CDH23: variants seen among roughly 807,000 people sequenced by gnomAD.
CDH23 encodes cadherin-23.
CDH23 carries 189 observed loss-of-function variants against 317.1 expected under a neutral mutation model. The observed-to-expected ratio is 0.60, with a 90% CI of 0.53 to 0.67. The LOEUF (loss-of-function observed/expected upper bound fraction) is 0.67. Ranked by LOEUF, CDH23 falls within the 30% of genes least tolerant of loss-of-function variation. The pLI is 0.00. For missense variants in CDH23, 4,401 were observed against 4,592.4 expected (o/e 0.96, Z 1.20); for synonymous variants, 1,839 against 1,876.8 (o/e 0.98, Z 0.52).
chr10:71,813,135 G>C, intron 68 of CDH23, 109 bp from the exon 69 acceptor site: 2 of 1,186,760 alleles, frequency 1.7e-6, no homozygotes, highest in South Asian at 1.4e-5. Flanking sequence ...TCTGCCCTAG[G>C]ATCACCAGGA....
At chr10:71,540,250 C>T (rs1855914558) in intron 6 of CDH23, among the ~76,000 whole-genome samples, 1 of 152,176 alleles carries the variant, frequency 6.6e-6, no homozygotes, top group African/African-American at 2.4e-5. Flanking sequence ...GGAACCCACC[C>T]TCTTATCAGC....
chr10:71,561,020 G>A (rs1456270756), intron 6 of CDH23, among the ~76,000 whole-genome samples: 1 of 152,092 alleles, frequency 6.6e-6, no homozygotes, highest in Non-Finnish European at 1.5e-5. Context: ...GCACCCTAAA[G>A]GTGAGAGGGT....
chr10:71,782,597 A>C (rs912812935), intron 41 of CDH23, among the ~76,000 whole-genome samples: 2 of 152,216 alleles, frequency 1.3e-5, no homozygotes, highest in African/African-American at 4.8e-5. Flanking sequence ...GAATTTGCAC[A>C]GGGGAACTAG....
chr10:71,653,293 C>T (rs1468308379), intron 14 of CDH23, among the ~76,000 whole-genome samples: 2 of 152,172 alleles, frequency 1.3e-5, no homozygotes, highest in South Asian at 2.1e-4. Context: ...CTGGGCTGGC[C>T]GTGTTGAAGG....
chr10:71,433,622 C>G (rs965985276), intron 1 of CDH23, among the ~76,000 whole-genome samples: 2 of 151,646 alleles, frequency 1.3e-5, no homozygotes, highest in Admixed American at 1.3e-4. Flanking sequence ...ACAGCCATGC[C>G]AGACTCGCCA....
At chr10:71,593,299 C>T (rs1045145100) in intron 9 of CDH23, among the ~76,000 whole-genome samples, 1 of 152,122 alleles carries the variant, frequency 6.6e-6, no homozygotes, top group Non-Finnish European at 1.5e-5. Context: ...AAAGCAAGAT[C>T]CCTACCATAC....
At chr10:71,447,484 C>T (rs576823640) in intron 3 of CDH23, among the ~76,000 whole-genome samples, 69 of 152,096 alleles carry the variant, frequency 4.5e-4, no homozygotes, top group Admixed American at 9.2e-4. Context: ...GGTGCTGGGC[C>T]CAGCAGGTGT....
At position 71,528,857 on chromosome 10, in the gene CDH23, G is replaced by A. The variant is rs527601456; in HGVS notation, c.429+17645G>A. 8.5e-5 allele frequency among the ~76,000 whole-genome samples: 13 copies of A among 152,296 alleles called. No homozygotes were observed. The South Asian group carries it at 2.5e-3, about 29-fold the overall frequency. ...CCCCCACATGCTGGGGATGGGGGAGGGTCTCTGATGATAGGTCTTTGAGCA... is the reference window on the plus strand; with the variant it reads ...CCCCCACATGCTGGGGATGGGGGAGAGTCTCTGATGATAGGTCTTTGAGCA... On this transcript the variant is annotated intron_variant, in intron 6 of 69. Transcript: ENST00000224721.
chr10:71,601,445 A>G (rs191796134), intron 9 of CDH23, among the ~76,000 whole-genome samples: 74 of 152,340 alleles, frequency 4.9e-4, no homozygotes, highest in Middle Eastern at 3.4e-3. Flanking sequence ...TGGTTAAAGA[A>G]ACGCAAGCCC....
intron 1 of CDH23, among the ~76,000 whole-genome samples, chr10:71,432,426 T>C (rs1355987730): frequency 1.3e-5 from 2 of 148,230 alleles, no homozygotes; most frequent in African/African-American, 5.0e-5. Context: ...AGTGTGTGGG[T>C]GAGTGTGTGT....
At position 71,510,793 on chromosome 10, in the gene CDH23, A is replaced by G. The variant is rs535589451; in HGVS notation, c.289-161A>G. Reference sequence around the variant, plus strand: ...TCCATATTCCACACCTGCTTCCCCAACCCAAAGGGCAATGCTGGTATTTTA... The same window carrying G: ...TCCATATTCCACACCTGCTTCCCCAGCCCAAAGGGCAATGCTGGTATTTTA... On this transcript the variant is annotated intron_variant, in intron 4 of 69. Coordinates refer to ENST00000224721, the MANE Select transcript of CDH23 (RefSeq NM_022124.6). 1.1e-3 allele frequency among the ~76,000 whole-genome samples: 162 copies of G among 151,964 alleles called. 1 individual carries two copies. Among genetic ancestry groups the G allele is most frequent in the African/African-American group, 3.7e-3 (154 of 41,430 alleles).
chr10:71,734,119 A>G, intron 32 of CDH23, 121 bp from the exon 33 acceptor site: 1 of 789,064 alleles, frequency 1.3e-6, no homozygotes, highest in Non-Finnish European at 2.2e-6. Flanking sequence ...CAACAGACAG[A>G]GTGTCCTGGG....
intron 9 of CDH23, among the ~76,000 whole-genome samples, chr10:71,584,175 A>G (rs1381637165): frequency 6.6e-6 from 1 of 152,196 alleles, no homozygotes; most frequent in Non-Finnish European, 1.5e-5. Flanking sequence ...TAATGTTTAA[A>G]GCAGATTTAC....
At chr10:71,416,249 T>C (rs114941133) in intron 1 of CDH23, among the ~76,000 whole-genome samples, 1 of 152,140 alleles carries the variant, frequency 6.6e-6, no homozygotes, top group African/African-American at 2.4e-5. Context: ...GCTCTAGAAC[T>C]CCTGACCTCA....
chr10:71,443,392 C>A (rs1228250704), intron 2 of CDH23, among the ~76,000 whole-genome samples: 1 of 152,242 alleles, frequency 6.6e-6, no homozygotes, highest in African/African-American at 2.4e-5. Context: ...ACCTCCATGC[C>A]GCCACCCAGC....
At chr10:71,439,949 G>C in intron 2 of CDH23, 51 bp downstream of exon 2, 1 of 1,440,728 alleles carries the variant, frequency 6.9e-7, no homozygotes, top group Admixed American at 2.0e-5. Flanking sequence ...CTGCACGGGA[G>C]GCCAGGCTGG....
Position 71,725,470 on chromosome 10 carries a change from A to G in CDH23, c.3529A>G (p.Ile1177Val). 1 of 1,613,972 alleles carries G rather than the reference A, an allele frequency of 6.2e-7. No individual in the cohort carries two copies. Among genetic ancestry groups the G allele is most frequent in the South Asian group, 1.1e-5 (1 of 91,072 alleles). Residue 1177 changes from isoleucine (I) to valine (V), a missense_variant, in exon 30 of 70, where the codon ATA (isoleucine) becomes GTA (valine). This residue lies in a region of CDH23 where 3,068 missense variants were observed against 3,203.3 expected (regional missense o/e 0.96). Transcript: ENST00000224721. The stretch of plus-strand genomic sequence containing the variant: ...GGAGCGGAACTCATCCCACGTGCTG[A>G]TAGTGGAGGCCTACAACCACGACCT... Reference protein sequence around the residue: ...DRERNSSHVLIVEAYNHDLGP... With the variant: ...DRERNSSHVLVVEAYNHDLGP...
At chr10:71,592,432 T>TA (rs1859556275) in intron 9 of CDH23, among the ~76,000 whole-genome samples, 1 of 152,210 alleles carries the variant, frequency 6.6e-6, no homozygotes, top group Admixed American at 6.5e-5. Context: ...CTTATGGGGT[T>TA]AAAATCAAGG....
intron 6 of CDH23, among the ~76,000 whole-genome samples, chr10:71,512,938 A>G (rs192127143): frequency 5.9e-4 from 90 of 152,362 alleles, no homozygotes; most frequent in South Asian, 1.2e-3. Flanking sequence ...ACTAGAGGCA[A>G]GAGACCCTGG....
Sources: allele counts gnomAD v4.1 joint callset (sites outside exome capture counted in the v4.1 genomes callset), GRCh38; gene constraint gnomAD v4.1.1; regional missense constraint gnomAD v4.1.1; transcripts MANE v1.5; gene names NCBI Gene and HGNC (gene_info 2026-07-23, HGNC 2026-07-21).